The following MPZL1 variants were observed in gnomAD, a reference collection of about 807,000 sequenced individuals.
The protein encoded by MPZL1 is myelin protein zero-like protein 1.
A neutral mutation model predicts 29.3 loss-of-function variants in MPZL1; 16 were observed. The ratio of observed to expected loss-of-function variants is 0.55; its 90% CI spans 0.37 to 0.83. MPZL1 has a LOEUF of 0.83. Ranked by LOEUF, MPZL1 falls within the 40% of genes least tolerant of loss-of-function variation. MPZL1 has a pLI of 0.00. For missense variants in MPZL1, 279 were observed against 332.9 expected, an observed-to-expected ratio of 0.84 and a Z score of 1.26; for synonymous variants, 143 against 132.0, an observed-to-expected ratio of 1.08 and a Z score of -0.57.
At chr1:167,724,737 A>G (rs866834679) in intron 1 of MPZL1, among the ~76,000 whole-genome samples, 19 of 152,206 alleles carry the variant, frequency 1.2e-4, no homozygotes, top group African/African-American at 4.1e-4. Context: ...AGATGGGCAG[A>G]AAACAATTGG....
intron 1 of MPZL1, among the ~76,000 whole-genome samples, chr1:167,744,683 CAAAAA>C (rs3075159): frequency 7.9e-6 from 1 of 126,944 alleles, no homozygotes. Context: ...AACTCAGTCT[CAAAAA>C]AAAAAAAAAA....
In MPZL1 at chr1:167,741,437, T is replaced by C. The variant is rs138032836; in HGVS notation, c.91+19195T>C. On this transcript the variant is annotated intron_variant, in intron 1 of 5. Coordinates refer to ENST00000359523, the MANE Select transcript of MPZL1 (RefSeq NM_003953.6). The stretch of plus-strand genomic sequence containing the variant: ...GCCTCCCAGATTCCAGCAATTCTTG[T>C]GCCTCAGCCTCCTGAGTAGCTGGAA... Among the ~76,000 whole-genome samples, 815 of 151,382 alleles carry C rather than the reference T, an allele frequency of 5.4e-3. 6 individuals are homozygous for C. The highest frequency in any genetic ancestry group is 0.017 in the Middle Eastern group (5 of 294).
At chr1:167,743,950 A>G (rs926095834) in intron 1 of MPZL1, among the ~76,000 whole-genome samples, 35 of 151,996 alleles carry the variant, frequency 2.3e-4, no homozygotes, top group Non-Finnish European at 5.0e-4. Context: ...TTTGTTGAAG[A>G]GAAGTGGTAA....
chr1:167,735,871 A>G (rs532850844), intron 1 of MPZL1, among the ~76,000 whole-genome samples: 1 of 152,238 alleles, frequency 6.6e-6, no homozygotes, highest in Non-Finnish European at 1.5e-5. Flanking sequence ...ATTTTAAAAG[A>G]TAAGCCATAG....
intron 5 of MPZL1, among the ~76,000 whole-genome samples, chr1:167,784,622 A>G (rs1661556714): frequency 6.6e-6 from 1 of 152,144 alleles, no homozygotes; most frequent in Admixed American, 6.5e-5. Flanking sequence ...TAGCACTCAG[A>G]ATCAAACTTC....
At chr1:167,762,323 GA>G (rs1661005893) in intron 1 of MPZL1, among the ~76,000 whole-genome samples, 2 of 152,140 alleles carry the variant, frequency 1.3e-5, no homozygotes, top group Admixed American at 6.5e-5. Flanking sequence ...GGGTATAAAA[GA>G]AAAACTTCAG....
rs75823484 is a variant in MPZL1 at position 167,760,576 on chromosome 1, A to T, written c.92-5007A>T. 6.1e-3 allele frequency among the ~76,000 whole-genome samples: 935 copies of T among 152,272 alleles called. 8 individuals are homozygous for T. The highest frequency in any genetic ancestry group is 0.021 in the African/African-American group (882 of 41,558). ...GGAGGAAAGTTGTGCAAAAGAGAGG[A>T]GTCACAAAACAGTCCAGGGTTTTGG... On this transcript the variant is annotated intron_variant, in intron 1 of 5. Coordinates refer to ENST00000359523, the MANE Select transcript of MPZL1 (RefSeq NM_003953.6).
intron 1 of MPZL1, among the ~76,000 whole-genome samples, chr1:167,759,880 A>G (rs892228169): frequency 6.6e-6 from 1 of 152,208 alleles, no homozygotes; most frequent in African/African-American, 2.4e-5. Flanking sequence ...GGGTCAGGGT[A>G]GGCAATGAGG....
intron 1 of MPZL1, among the ~76,000 whole-genome samples, chr1:167,760,366 T>C (rs969920687): frequency 4.0e-5 from 6 of 150,868 alleles, no homozygotes; most frequent in African/African-American, 1.2e-4. Context: ...CCACACCAGC[T>C]AATTCTTTTG....
rs866248131 is a variant in MPZL1 at position 167,722,150 on chromosome 1, C to T, written c.-2C>T. 3.6e-5 allele frequency: 44 copies of T among 1,235,554 alleles called. No homozygotes were observed. In the Middle Eastern group the frequency reaches 2.2e-3, roughly 62 times the overall value. 76.5% of individuals were successfully genotyped at this position (1,235,554 alleles called of 1,614,324 possible). ...GGCGGCGGCGACTGCAGTGGCTGGA[C>T]GATGGCAGCGTCCGCCGGAGCCGGG... is the stretch of plus-strand genomic sequence containing the variant. On this transcript the variant is annotated 5_prime_UTR_variant, in exon 1 of 6. It adds an upstream start codon to the 5' untranslated region. Transcript: ENST00000359523.
At chr1:167,766,747 G>A (rs1661121854) in intron 2 of MPZL1, among the ~76,000 whole-genome samples, 1 of 152,148 alleles carries the variant, frequency 6.6e-6, no homozygotes, top group Admixed American at 6.5e-5. Context: ...AAGACAGGGT[G>A]GGGAGGATGG....
intron 1 of MPZL1, among the ~76,000 whole-genome samples, chr1:167,734,802 T>C (rs1660343894): frequency 6.6e-6 from 1 of 152,154 alleles, no homozygotes; most frequent in African/African-American, 2.4e-5. Context: ...TTGCCTCAGA[T>C]GTGGGTGGAT....
intron 2 of MPZL1, 68 bp downstream of exon 2, chr1:167,765,817 A>G (rs867392999): frequency 7.2e-7 from 1 of 1,388,856 alleles, no homozygotes; most frequent in Admixed American, 2.6e-5. Context: ...ATAATTGGTG[A>G]TCCATTTTTC....
chr1:167,778,039 A>C (rs1300756692), intron 5 of MPZL1, among the ~76,000 whole-genome samples: 1 of 152,220 alleles, frequency 6.6e-6, no homozygotes, highest in Non-Finnish European at 1.5e-5. Flanking sequence ...ACTACCAGGC[A>C]TGGCCTGGTG....
chr1:167,773,426 A>G (rs1173063915), intron 4 of MPZL1, 58 bp downstream of exon 4: 1 of 1,532,638 alleles, frequency 6.5e-7, no homozygotes, highest in Non-Finnish European at 8.8e-7. Context: ...GGTTTATAGA[A>G]ACTTCTGTAT....
At chr1:167,770,049 A>G (rs868862014) in intron 2 of MPZL1, among the ~76,000 whole-genome samples, 2 of 152,210 alleles carry the variant, frequency 1.3e-5, no homozygotes, top group African/African-American at 4.8e-5. Context: ...GAGGGTGACA[A>G]GCTTGGGGGA....
chr1:167,725,157 T>C (rs1177549948), intron 1 of MPZL1, among the ~76,000 whole-genome samples: 1 of 152,218 alleles, frequency 6.6e-6, no homozygotes, highest in Non-Finnish European at 1.5e-5. Flanking sequence ...GTCCTTCACA[T>C]CCAATCAGTT....
chr1:167,725,961 T>C (rs909679450), intron 1 of MPZL1, among the ~76,000 whole-genome samples: 2 of 152,260 alleles, frequency 1.3e-5, no homozygotes, highest in Non-Finnish European at 2.9e-5. Context: ...ACTGCAAGAA[T>C]GATTTTGTTA....
intron 1 of MPZL1, among the ~76,000 whole-genome samples, chr1:167,751,275 G>C (rs909773395): frequency 6.6e-6 from 1 of 152,146 alleles, no homozygotes; most frequent in African/African-American, 2.4e-5. Context: ...ATTTTAGTAA[G>C]AGTCCCATCA....
Sources: allele counts gnomAD v4.1 joint callset (sites outside exome capture counted in the v4.1 genomes callset), GRCh38; gene constraint gnomAD v4.1.1; transcripts MANE v1.5; gene names NCBI Gene and HGNC (gene_info 2026-07-23, HGNC 2026-07-21).